FCRL5: variants seen among roughly 807,000 people sequenced by gnomAD.
FCRL5 encodes Fc receptor like 5.
FCRL5 carries 79 observed loss-of-function variants against 92.1 expected under a neutral mutation model. The ratio of observed to expected loss-of-function variants is 0.86; its 90% confidence interval spans 0.72 to 1.03. FCRL5 has a LOEUF of 1.03. Among genes scored for constraint, FCRL5 ranks in the 50% least tolerant of loss-of-function variants. FCRL5 has a pLI of 0.00. For missense variants in FCRL5, 1,160 were observed against 1,181.1 expected (o/e 0.98, Z 0.26); for synonymous variants, 466 against 469.3 (o/e 0.99, Z 0.09).
chr1:157,544,208 G>A, intron 5 of FCRL5, 54 bp downstream of exon 5: 1 of 1,593,042 alleles, frequency 6.3e-7, no homozygotes, highest in Non-Finnish European at 8.6e-7. Flanking sequence ...ATGCAGCCCT[G>A]TCCCACTTTT....
Position 157,544,307 on chromosome 1 carries a change from A to G in FCRL5, c.799T>C (p.Tyr267His), listed in dbSNP as rs6679793. Residue 267 changes from tyrosine (Y) to histidine (H), a missense_variant, in exon 5 of 17, where the codon TAC becomes CAC. Coordinates refer to ENST00000361835, the MANE Select transcript of FCRL5 (RefSeq NM_031281.3). The stretch of plus-strand genomic sequence containing the variant: ...CTCGGGCTGTCAGATATGACGCTGT[A>G]AGGCATTGTTGCTGCCTTACACCAG... The part of the protein sequence containing the change: ...FYWCKAATMP[Y>H]SVISDSPRSW... 1,283,673 of 1,613,752 alleles carry G rather than the reference A, an allele frequency of 0.8. 516,007 individuals are homozygous for G. Among genetic ancestry groups the G allele is most frequent in the East Asian group, 0.91 (40,993 of 44,860 alleles).
chr1:157,546,875 A>G, intron 3 of FCRL5, 68 bp downstream of exon 3: 1 of 1,558,264 alleles, frequency 6.4e-7, no homozygotes, highest in Non-Finnish European at 8.7e-7. Flanking sequence ...GTAAACAGTA[A>G]TAACAGCTAG....
chr1:157,520,119 C>A (rs1209905330), intron 12 of FCRL5, among the ~76,000 whole-genome samples: 1 of 152,108 alleles, frequency 6.6e-6, no homozygotes, highest in Non-Finnish European at 1.5e-5. Flanking sequence ...ATTTCTATTT[C>A]TCTGAGTTTT....
intron 3 of FCRL5, 88 bp downstream of exon 3, chr1:157,546,855 A>G: frequency 1.3e-5 from 19 of 1,478,902 alleles, no homozygotes; most frequent in Non-Finnish European, 1.6e-5. Context: ...CCACTCATGA[A>G]GGGTCTGAGG....
intron 8 of FCRL5, among the ~76,000 whole-genome samples, chr1:157,530,721 A>C (rs4971129): frequency 1.3e-5 from 2 of 152,240 alleles, no homozygotes; most frequent in Admixed American, 6.5e-5. Context: ...TAATACATTT[A>C]AGCATTTTCC....
chr1:157,535,959 T>TTTTTTTTTTTTA (rs1558135559), intron 7 of FCRL5, among the ~76,000 whole-genome samples: 1 of 148,564 alleles, frequency 6.7e-6, no homozygotes, highest in African/African-American at 2.5e-5. Flanking sequence ...TTTTTTTTTT[T>TTTTTTTTTTTTA]GAGATGGAGT....
chr1:157,530,391 A>C (rs1234565946), intron 8 of FCRL5, among the ~76,000 whole-genome samples: 1 of 152,192 alleles, frequency 6.6e-6, no homozygotes, highest in East Asian at 1.9e-4. Flanking sequence ...TTTGAGTCAG[A>C]GTTTCACTCT....
At chr1:157,541,605 A>G (rs1355062031) in intron 6 of FCRL5, among the ~76,000 whole-genome samples, 3 of 152,112 alleles carry the variant, frequency 2.0e-5, no homozygotes, top group Non-Finnish European at 4.4e-5. Flanking sequence ...GTCTCAACTC[A>G]CACATGAGTT....
In FCRL5 at chr1:157,534,328, C is replaced by A. The variant is rs74803010; in HGVS notation, c.1681+286G>T. 5,285 of 707,984 alleles carry A rather than the reference C, an allele frequency of 7.5e-3. 186 individuals carry two copies. The African/African-American group carries it at 0.078, about 10-fold the overall frequency. The allele number at this position is 707,984 out of a possible 1,614,324, so 43.9% of individuals were successfully genotyped here. ...GTAGAGAAGTAGGACACGCTCCGTG[C>A]ATCAAGAAAAATTGGCGTACTGTTG... is the stretch of plus-strand genomic sequence containing the variant. On this transcript the variant is annotated intron_variant, in intron 8 of 16. Transcript: ENST00000361835.
intron 1 of FCRL5, 89 bp downstream of exon 1, chr1:157,552,243 G>A: frequency 7.7e-7 from 1 of 1,297,326 alleles, no homozygotes; most frequent in Non-Finnish European, 1.1e-6. Context: ...TCTCAGCAGG[G>A]GCTGAGCCCC....
chr1:157,534,345 G>A (rs535093768), intron 8 of FCRL5: 23 of 711,136 alleles, frequency 3.2e-5, no homozygotes, highest in Middle Eastern at 2.3e-4. Flanking sequence ...AAAAATTGGC[G>A]TACTGTTGGA....
Position 157,539,065 on chromosome 1 carries a change from T to G in FCRL5, c.1402+21A>C, listed in dbSNP as rs754037747. The G allele has an allele frequency of 1.9e-6, 3 of 1,607,604 alleles. No homozygotes were observed. The South Asian group carries it at 3.3e-5, about 18-fold the overall frequency. On this transcript the variant is annotated intron_variant, in intron 7 of 16. Coordinates refer to ENST00000361835, the MANE Select transcript of FCRL5 (RefSeq NM_031281.3). ...GGACTCTTGGCCAGGGGTGGGTGAT[T>G]GGCAGGAACCCAGGGCTTACCAGTG...
chr1:157,519,660 T>C (rs1571073968), intron 13 of FCRL5, 83 bp downstream of exon 13: 1 of 1,466,268 alleles, frequency 6.8e-7, no homozygotes, highest in Non-Finnish European at 9.6e-7. Context: ...GAAACTGTGC[T>C]CTTGGTAATC....
chr1:157,532,928 TCA>T (rs1245511464), intron 8 of FCRL5: 1 of 152,184 alleles, frequency 6.6e-6, no homozygotes, highest in African/African-American at 2.4e-5. Flanking sequence ...TAGTGCATTC[TCA>T]GTTTCCTGAA....
rs374524898 is a variant in FCRL5, at chr1:157,523,989, C to A, written c.2239+290G>T. 33 of 441,344 alleles carry A rather than the reference C, an allele frequency of 7.5e-5. No individual in the cohort carries two copies. In the East Asian group the frequency reaches 9.1e-4, roughly 12 times the overall value. The allele number at this position is 441,344 out of a possible 1,614,324, so 27.3% of individuals were successfully genotyped here. On this transcript the variant is annotated intron_variant, in intron 10 of 16. Transcript: ENST00000361835. Reference sequence around the variant, plus strand: ...GCTCAGAATTCTTTGGTTTCATTTTCATGTAATAATTTCAGTTCAGAATAT... The same window carrying A: ...GCTCAGAATTCTTTGGTTTCATTTTAATGTAATAATTTCAGTTCAGAATAT...
chr1:157,527,457 T>C (rs187336362), intron 9 of FCRL5, among the ~76,000 whole-genome samples, 160 bp downstream of exon 9: 61 of 152,346 alleles, frequency 4.0e-4, no homozygotes, highest in Middle Eastern at 3.4e-3. Flanking sequence ...TTCCTGAACG[T>C]GTAGGATACA....
intron 9 of FCRL5, 150 bp downstream of exon 9, chr1:157,527,466 CA>C: frequency 1.4e-6 from 1 of 707,786 alleles, no homozygotes; most frequent in South Asian, 3.2e-5. Flanking sequence ...GTGTAGGATA[CA>C]AAACTTAGAG....
At chr1:157,518,325 G>C in intron 15 of FCRL5, 104 bp downstream of exon 15, 1 of 949,446 alleles carries the variant, frequency 1.1e-6, no homozygotes, top group Non-Finnish European at 1.7e-6. Flanking sequence ...CAGTGGGAGG[G>C]GCGGCTCTAT....
intron 13 of FCRL5, 145 bp downstream of exon 13, chr1:157,519,598 C>T (rs1650084616): frequency 1.8e-5 from 15 of 825,006 alleles, no homozygotes; most frequent in Admixed American, 9.8e-5. Context: ...TAAGATATCC[C>T]CAGGGACGTA....
Sources: gnomAD v4.1 joint callset for allele counts (sites outside exome capture counted in the v4.1 genomes callset) on GRCh38, gnomAD v4.1.1 for gene constraint, MANE v1.5 for transcripts, NCBI Gene and HGNC (gene_info 2026-07-23, HGNC 2026-07-21) for gene names.